The following VPS8 variants were observed in gnomAD, a reference collection of about 807,000 sequenced individuals.
VPS8 encodes VPS8 subunit of CORVET complex.
A neutral mutation model predicts 216.4 loss-of-function variants in VPS8; 129 were observed. The ratio of observed to expected loss-of-function variants is 0.60; its 90% CI spans 0.52 to 0.69. The LOEUF (loss-of-function observed/expected upper bound fraction) is 0.69. Ranked by LOEUF, VPS8 falls within the 30% of genes least tolerant of loss-of-function variation. The pLI, the probability that VPS8 is intolerant of heterozygous loss-of-function variation, is 0.00. For missense variants in VPS8, 1,531 were observed against 1,683.5 expected, an observed-to-expected ratio of 0.91 and a Z score of 1.59; for synonymous variants, 571 against 565.4, an observed-to-expected ratio of 1.01 and a Z score of -0.14.
At chr3:184,955,720 A>C (rs1745476145) in intron 36 of VPS8, among the ~76,000 whole-genome samples, 1 of 152,150 alleles carries the variant, frequency 6.6e-6, no homozygotes, top group Non-Finnish European at 1.5e-5. Flanking sequence ...AAGGCAGTCC[A>C]ATGTACTGTC....
At chr3:184,834,867 T>C (rs1233618156) in intron 5 of VPS8, 125 bp downstream of exon 5, 2 of 709,770 alleles carry the variant, frequency 2.8e-6, no homozygotes, top group Non-Finnish European at 4.5e-6. Flanking sequence ...AATCTGGCTT[T>C]CATGGTTTTT....
At chr3:185,004,348 C>T (rs1427364778) in intron 45 of VPS8, among the ~76,000 whole-genome samples, 5 of 151,880 alleles carry the variant, frequency 3.3e-5, no homozygotes, top group South Asian at 2.1e-4. Flanking sequence ...GGCGTGGCGG[C>T]GCGCGCCCGC....
At position 184,994,056 on chromosome 3, in the gene VPS8, A is replaced by G. The variant is rs1205345196; in HGVS notation, c.3659A>G (p.Tyr1220Cys). 3 of 1,551,204 alleles carry G rather than the reference A, an allele frequency of 1.9e-6. No homozygotes were observed. Among genetic ancestry groups the G allele is most frequent in the South Asian group, 1.3e-5 (1 of 79,264 alleles). The change falls in exon 43 of 48, where the codon TAT becomes TGT. Residue 1220 changes from tyrosine (Y) to cysteine (C), a missense_variant. By Grantham distance (194) the Tyr-to-Cys change is radical. Around this residue, in one of 3 missense-constraint regions of VPS8, gnomAD observed 1,318 missense variants for 1,468.4 expected, o/e 0.90. Coordinates refer to ENST00000625842, the MANE Select transcript of VPS8 (RefSeq NM_001009921.3). ...TTGGGAATGTTAGATACCTTTAACT[A>G]TGAACAAGTAAGTAAGCTACTTGTT... ...LILGMLDTFN[Y>C]EQTLLETTTS...
chr3:184,824,863 A>T, intron 2 of VPS8, 78 bp downstream of exon 2: 1 of 1,400,618 alleles, frequency 7.1e-7, no homozygotes, highest in East Asian at 2.5e-5. Context: ...CAGAGACTCT[A>T]AGTCTGTCAT....
At chr3:184,994,190 A>ATG (rs1752307845) in intron 43 of VPS8, 127 bp downstream of exon 43, 2 of 604,476 alleles carry the variant, frequency 3.3e-6, no homozygotes, top group Non-Finnish European at 5.5e-6. Flanking sequence ...ACTGAGGTGT[A>ATG]TGTGTGTGTA....
At chr3:185,014,745 T>C (rs541410713) in intron 45 of VPS8, among the ~76,000 whole-genome samples, 3 of 152,344 alleles carry the variant, frequency 2.0e-5, no homozygotes, top group African/African-American at 4.8e-5. Context: ...ATTCATTCTT[T>C]CCACTATGGT....
intron 40 of VPS8, 98 bp from the exon 41 acceptor site, chr3:184,982,468 C>T: frequency 5.2e-6 from 4 of 774,908 alleles, no homozygotes; most frequent in South Asian, 4.1e-5. Flanking sequence ...AAGTACGTTT[C>T]AACCTGTAAA....
chr3:184,813,783 C>T (rs1366665632), intron 1 of VPS8: 1 of 152,228 alleles, frequency 6.6e-6, no homozygotes, highest in South Asian at 2.1e-4. Flanking sequence ...CTGTATCTCA[C>T]TATTCCATTG....
At chr3:184,836,621 G>A (rs911680721) in intron 5 of VPS8, among the ~76,000 whole-genome samples, 10 of 152,074 alleles carry the variant, frequency 6.6e-5, no homozygotes, top group African/African-American at 2.2e-4. Context: ...GTCATCATAC[G>A]GTGCCTTCCT....
chr3:184,849,897 G>A, intron 9 of VPS8, 39 bp from the exon 10 acceptor site: 2 of 1,510,574 alleles, frequency 1.3e-6, no homozygotes, highest in East Asian at 4.5e-5. Context: ...CAAAAAAAGA[G>A]CAATAAATTT....
intron 1 of VPS8, among the ~76,000 whole-genome samples, chr3:184,821,963 C>T (rs774485706): frequency 9.2e-5 from 14 of 152,208 alleles, no homozygotes; most frequent in East Asian, 3.9e-4. Context: ...TTAGCCTCTA[C>T]GAGAACACAT....
chr3:184,844,750 G>A (rs1297242376), intron 8 of VPS8, among the ~76,000 whole-genome samples: 1 of 152,220 alleles, frequency 6.6e-6, no homozygotes, highest in Non-Finnish European at 1.5e-5. Flanking sequence ...TACTTTGAAA[G>A]ACATGCTAAT....
intron 21 of VPS8, among the ~76,000 whole-genome samples, chr3:184,881,702 T>C (rs9857846): frequency 0.018 from 2,664 of 152,218 alleles, 82 homozygotes; most frequent in African/African-American, 0.061. Flanking sequence ...TGATATAAAT[T>C]ACATTAAACA....
intron 25 of VPS8, 108 bp downstream of exon 25, chr3:184,901,080 T>C: frequency 1.1e-6 from 1 of 916,326 alleles, no homozygotes; most frequent in Non-Finnish European, 1.7e-6. Flanking sequence ...TTGGTAATCA[T>C]GTACAGTCAT....
chr3:184,875,822 CAAAAAAA>C (rs59957370), intron 21 of VPS8, among the ~76,000 whole-genome samples: 6 of 72,550 alleles, frequency 8.3e-5, no homozygotes, highest in Admixed American at 3.1e-4. Flanking sequence ...CTTGTCTCTA[CAAAAAAA>C]AAAAAAAAAA....
intron 45 of VPS8, among the ~76,000 whole-genome samples, chr3:185,024,001 C>G (rs567349006): frequency 6.6e-6 from 1 of 152,330 alleles, no homozygotes; most frequent in South Asian, 2.1e-4. Flanking sequence ...GAGTTGCCTT[C>G]TGCAAGAAAT....
chr3:184,953,196 G>C (rs552321411), intron 36 of VPS8, among the ~76,000 whole-genome samples: 2 of 152,320 alleles, frequency 1.3e-5, no homozygotes, highest in Admixed American at 1.3e-4. Context: ...AGGGCACCAA[G>C]CAAGGAGAAT....
intron 45 of VPS8, among the ~76,000 whole-genome samples, chr3:185,019,305 C>T (rs916159893): frequency 7.2e-5 from 11 of 152,174 alleles, no homozygotes; most frequent in Admixed American, 5.9e-4. Context: ...GAGACCAGCT[C>T]GGTCAGGGAG....
intron 36 of VPS8, among the ~76,000 whole-genome samples, chr3:184,951,958 A>G (rs114596080): frequency 0.011 from 1,720 of 152,326 alleles, 39 homozygotes; most frequent in African/African-American, 0.039. Context: ...TTTGATGCAT[A>G]TTCACAACTT....
Sources: gnomAD v4.1 joint callset for allele counts (sites outside exome capture counted in the v4.1 genomes callset) on GRCh38, gnomAD v4.1.1 for gene constraint, gnomAD v4.1.1 regional missense constraint, MANE v1.5 for transcripts, NCBI Gene and HGNC (gene_info 2026-07-23, HGNC 2026-07-21) for gene names.